The following PUDP variants were observed in gnomAD, a reference collection of about 807,000 sequenced individuals.
PUDP encodes the protein pseudouridine 5'-phosphatase.
In PUDP, 8 loss-of-function variants were observed where a neutral mutation model predicts 9.4. That is an observed-to-expected ratio of 0.85 (90% confidence interval 0.50 to 1.53). The LOEUF (loss-of-function observed/expected upper bound fraction) is 1.53, where lower values mean the gene tolerates loss of function less well. Among genes scored for constraint, PUDP ranks in the 40% most tolerant of loss-of-function variants. PUDP has a pLI of 0.00. For missense variants in PUDP, 188 were observed against 189.7 expected (o/e 0.99, Z 0.05); for synonymous variants, 99 against 80.7 (o/e 1.23, Z -1.22).
chrX:6,807,715 C>T (rs762160122), intron 3 of PUDP, among the ~76,000 whole-genome samples: 13 of 112,034 alleles, frequency 1.2e-4, no homozygotes, highest in African/African-American at 4.2e-4. Context: ...GCCCAGCTGC[C>T]GGCCCAAAGA....
intron 1 of PUDP, among the ~76,000 whole-genome samples, chrX:7,146,693 G>T (rs1439257539): frequency 9.0e-6 from 1 of 111,084 alleles, no homozygotes; most frequent in Non-Finnish European, 1.9e-5. Flanking sequence ...AATATGATGA[G>T]CAGAAACAAG....
chrX:6,896,593 A>G (rs1052763808), intron 3 of PUDP, among the ~76,000 whole-genome samples: 4 of 111,917 alleles, frequency 3.6e-5, no homozygotes, highest in African/African-American at 9.7e-5. Flanking sequence ...TCACCCTTCA[A>G]TGTGGTTAAT....
intron 3 of PUDP, among the ~76,000 whole-genome samples, chrX:6,890,859 C>T (rs1350699271): frequency 1.0e-5 from 1 of 96,290 alleles, no homozygotes; most frequent in African/African-American, 4.1e-5. Flanking sequence ...AGTGCTTTGA[C>T]AGGCTGAGGT....
intron 3 of PUDP, among the ~76,000 whole-genome samples, chrX:6,834,986 C>T (rs1241596701): frequency 9.0e-6 from 1 of 111,134 alleles, no homozygotes; most frequent in Non-Finnish European, 1.9e-5. Context: ...CAAACCATAG[C>T]AAAAGGTGGT....
chrX:6,978,505 G>A (rs2146798218), intron 1 of PUDP, among the ~76,000 whole-genome samples: 1 of 112,020 alleles, frequency 8.9e-6, no homozygotes, highest in Non-Finnish European at 1.9e-5. Context: ...TGTCCAGATT[G>A]TACTCACCAT....
intron 3 of PUDP, among the ~76,000 whole-genome samples, chrX:6,972,324 G>A (rs763760643): frequency 2.1e-4 from 23 of 112,049 alleles, no homozygotes; most frequent in South Asian, 1.9e-3. Flanking sequence ...TGCCCATTCA[G>A]TATGATATTG....
At chrX:6,810,551 C>T (rs749312165) in intron 3 of PUDP, among the ~76,000 whole-genome samples, 1 of 111,553 alleles carries the variant, frequency 9.0e-6, no homozygotes, top group South Asian at 3.8e-4. Flanking sequence ...ACAGTCTTAC[C>T]TCACTTTTTG....
Position 7,050,364 on chromosome X carries a change from C to T in PUDP, c.619G>A (p.Ala207Thr), listed in dbSNP as rs1930063899. 8.3e-7 allele frequency: 1 copy of T among 1,211,491 alleles called. No homozygotes were observed. The highest frequency in any genetic ancestry group is 1.7e-5 in the African/African-American group (1 of 57,810). Residue 207 changes from alanine to threonine, a missense_variant, in exon 4 of 4, where the codon GCC becomes ACC. Physicochemically the swap from Ala to Thr is moderately conservative, Grantham distance 58 (BLOSUM62 0). Transcript: ENST00000381077. ...GNLSRDLTTK[A>T]TLVLNSLQDF... is the part of the protein sequence containing the mutation. ...TGCAGGGAATTCAGCACCAGGGTGG[C>T]CTTTGTTGTCAGATCTCGGCTCAAG...
intron 3 of PUDP, among the ~76,000 whole-genome samples, chrX:6,931,579 C>G (rs761622201): frequency 8.9e-6 from 1 of 112,170 alleles, no homozygotes; most frequent in Non-Finnish European, 1.9e-5. Flanking sequence ...AAAATAATTG[C>G]ATTTGCTATT....
chrX:6,753,963 A>T (rs1216668033), intron 3 of PUDP, among the ~76,000 whole-genome samples: 2 of 111,818 alleles, frequency 1.8e-5, no homozygotes, highest in East Asian at 5.6e-4. Context: ...TTTGTTGTGT[A>T]AAAGCTCTTA....
At chrX:6,825,962 T>A (rs1215473554) in intron 3 of PUDP, among the ~76,000 whole-genome samples, 2 of 111,974 alleles carry the variant, frequency 1.8e-5, no homozygotes, top group African/African-American at 6.5e-5. Context: ...TTGGTCTTAC[T>A]TAGGAAAACA....
chrX:6,749,447 T>C (rs753715048), intron 3 of PUDP, among the ~76,000 whole-genome samples: 2 of 110,863 alleles, frequency 1.8e-5, no homozygotes, highest in Non-Finnish European at 3.8e-5. Flanking sequence ...GAGGTGGCCG[T>C]TGTGTTTAGG....
chrX:6,854,339 A>C (rs762330067), intron 3 of PUDP, among the ~76,000 whole-genome samples: 1 of 112,121 alleles, frequency 8.9e-6, no homozygotes, highest in Middle Eastern at 4.6e-3. Context: ...AAAGAAAAAA[A>C]ATCTGCTAGA....
intron 3 of PUDP, among the ~76,000 whole-genome samples, chrX:6,733,168 T>A (rs921816487): frequency 1.2e-4 from 13 of 111,612 alleles, no homozygotes; most frequent in African/African-American, 3.9e-4. Flanking sequence ...GAATGCTGGG[T>A]ATGGGGAGTG....
At chrX:6,908,091 C>T (rs1322905382) in intron 3 of PUDP, among the ~76,000 whole-genome samples, 1 of 112,272 alleles carries the variant, frequency 8.9e-6, no homozygotes, top group Non-Finnish European at 1.9e-5. Context: ...AAATCAGGGC[C>T]ACCCAGTACA....
intron 3 of PUDP, among the ~76,000 whole-genome samples, chrX:6,931,665 G>A: frequency 8.9e-6 from 1 of 111,899 alleles, no homozygotes. Flanking sequence ...GCGCTCCTGT[G>A]TGGGAATCTT....
chrX:7,147,972 G>C, intron 1 of PUDP, 81 bp downstream of exon 1: 1 of 763,696 alleles, frequency 1.3e-6, no homozygotes, highest in African/African-American at 2.2e-5. Context: ...CGGCCCCCAG[G>C]CCGTGACGTA....
intron 3 of PUDP, 138 bp downstream of exon 3, chrX:7,077,082 A>G (rs1930929265): frequency 1.0e-6 from 1 of 1,002,839 alleles, no homozygotes; most frequent in Non-Finnish European, 1.3e-6. Context: ...CTGCCCACAT[A>G]CCCAAGTTCT....
intron 3 of PUDP, among the ~76,000 whole-genome samples, chrX:6,726,570 A>G (rs1924740862): frequency 8.9e-6 from 1 of 112,087 alleles, no homozygotes; most frequent in Non-Finnish European, 1.9e-5. Context: ...TTACCTGTCA[A>G]GTAAAAATAA....
Sources: allele counts gnomAD v4.1 joint callset (sites outside exome capture counted in the v4.1 genomes callset), GRCh38; gene constraint gnomAD v4.1.1; transcripts MANE v1.5; gene names NCBI Gene and HGNC (gene_info 2026-07-23, HGNC 2026-07-21).